The following MASTL variants were observed in gnomAD, a reference collection of about 807,000 sequenced individuals.
MASTL encodes the protein microtubule associated serine/threonine kinase like.
MASTL carries 54 observed loss-of-function variants against 82.5 expected under a neutral mutation model. That is an observed-to-expected ratio of 0.65 (90% confidence interval 0.53 to 0.82). MASTL has a LOEUF of 0.82. MASTL is among the 40% of genes least tolerant of loss of function. The pLI is 0.00. For missense variants in MASTL, 950 were observed against 1,047.8 expected (o/e 0.91, Z 1.29); for synonymous variants, 323 against 368.9 (o/e 0.88, Z 1.43).
rs1438164569 is a variant in MASTL at position 27,186,655 on chromosome 10, G to A, written c.*119G>A. On this transcript the variant is annotated 3_prime_UTR_variant, in exon 12 of 12. Transcript: ENST00000375940. ...ATCATTATTTAACCTAGTTCAATGTGCTTTTAATGTACGTTACAGCTTTCA... is the reference window on the plus strand; with the variant it reads ...ATCATTATTTAACCTAGTTCAATGTACTTTTAATGTACGTTACAGCTTTCA... 3 of 943,300 alleles carry A rather than the reference G, an allele frequency of 3.2e-6. No homozygotes were observed. In the African/African-American group the frequency reaches 4.8e-5, roughly 15 times the overall value. 58.4% of individuals were successfully genotyped at this position (943,300 alleles called of 1,614,324 possible).
chr10:27,183,710 T>TC (rs2058462003), intron 11 of MASTL, among the ~76,000 whole-genome samples: 1 of 152,110 alleles, frequency 6.6e-6, no homozygotes, highest in East Asian at 1.9e-4. Context: ...ATAATTTCTT[T>TC]CTTTTTTTGG....
intron 4 of MASTL, among the ~76,000 whole-genome samples, chr10:27,164,108 T>TTTTAAAAAGTCCTA (rs1264792622): frequency 2.0e-5 from 3 of 152,128 alleles, no homozygotes; most frequent in Admixed American, 2.0e-4. Context: ...ACCCAGCTAA[T>TTTTAAAAAGTCCTA]TTTAAAAAGT....
chr10:27,177,832 A>G (rs1279316011), intron 9 of MASTL: 1 of 959,294 alleles, frequency 1.0e-6, no homozygotes, highest in Non-Finnish European at 1.2e-6. Context: ...GAGCTTCTCT[A>G]TAAAGTAATG....
Position 27,173,172 on chromosome 10 carries a change from A to C in MASTL, c.2179A>C (p.Arg727=), listed in dbSNP as rs774937295. ...TCCATACCGAACTCCGAAGAGTGTG[A>C]GAAGAGGGGTGGCCCCCGTTGATGA... ...GTPYRTPKSV[R]RGVAPVDDGR... The change falls in exon 9 of 12, where the codon AGA becomes CGA. Residue 727 remains arginine, a synonymous_variant. Coordinates refer to ENST00000375940, the MANE Select transcript of MASTL (RefSeq NM_001172303.3). The C allele has an allele frequency of 3.7e-6, 6 of 1,614,064 alleles. No homozygotes were observed. In the East Asian group the frequency reaches 1.3e-4, roughly 36 times the overall value.
At chr10:27,181,421 C>T (rs2058298360) in intron 10 of MASTL, 59 bp from the exon 11 acceptor site, 1 of 1,252,074 alleles carries the variant, frequency 8.0e-7, no homozygotes, top group African/African-American at 1.5e-5. Flanking sequence ...TCATTTATCT[C>T]TGGATACTAT....
chr10:27,155,990 G>C (rs1276136569), intron 1 of MASTL, among the ~76,000 whole-genome samples: 1 of 152,084 alleles, frequency 6.6e-6, no homozygotes, highest in Non-Finnish European at 1.5e-5. Context: ...GTCTCACCCT[G>C]GCTTGAGTTA....
At chr10:27,155,289 T>C, upstream of MASTL, 3 of 813,952 alleles carry the variant, frequency 3.7e-6, no homozygotes, top group South Asian at 3.5e-5. Context: ...GTAGGGGAGG[T>C]GACGAGGGCG....
At chr10:27,167,015 C>A in intron 6 of MASTL, 87 bp from the exon 7 acceptor site, 5 of 1,034,576 alleles carry the variant, frequency 4.8e-6, no homozygotes, top group Non-Finnish European at 7.5e-6. Flanking sequence ...ATTCTTGATA[C>A]TTTGCTTAAT....
At chr10:27,184,004 G>A (rs188583168) in intron 11 of MASTL, among the ~76,000 whole-genome samples, 29 of 152,178 alleles carry the variant, frequency 1.9e-4, no homozygotes, top group East Asian at 1.7e-3. Flanking sequence ...GAGCCACCAC[G>A]CCTGGCCCAG....
intron 9 of MASTL, among the ~76,000 whole-genome samples, chr10:27,180,374 A>G (rs1383606667): frequency 6.9e-5 from 7 of 101,438 alleles, no homozygotes; most frequent in African/African-American, 1.2e-4. Context: ...GCTAACTCGC[A>G]TTTTTCTTTT....
intron 4 of MASTL, among the ~76,000 whole-genome samples, chr10:27,161,671 C>T (rs1183064673): frequency 6.6e-6 from 1 of 151,998 alleles, no homozygotes; most frequent in Non-Finnish European, 1.5e-5. Context: ...AAAGGTATAA[C>T]GGGTTCTTTT....
intron 9 of MASTL, among the ~76,000 whole-genome samples, chr10:27,176,842 C>G (rs1022297590): frequency 8.2e-6 from 1 of 121,388 alleles, no homozygotes; most frequent in African/African-American, 3.1e-5. Context: ...AGTTTTCTTT[C>G]TTTTTTCTTT....
intron 9 of MASTL, among the ~76,000 whole-genome samples, chr10:27,176,152 T>C (rs1314096058): frequency 6.6e-6 from 1 of 152,054 alleles, no homozygotes; most frequent in Non-Finnish European, 1.5e-5. Context: ...TCTTCCTCTG[T>C]TCCCTACCTC....
At chr10:27,173,066 G>A (rs1476535041) in intron 8 of MASTL, 52 bp from the exon 9 acceptor site, 17 of 1,597,408 alleles carry the variant, frequency 1.1e-5, no homozygotes, top group African/African-American at 6.7e-5. Flanking sequence ...TTTTCTATTC[G>A]GTGTAAAAGG....
chr10:27,185,777 AC>A (rs2058683864), intron 11 of MASTL, among the ~76,000 whole-genome samples: 1 of 117,462 alleles, frequency 8.5e-6, no homozygotes, highest in Non-Finnish European at 1.9e-5. Context: ...CTGGAGAGAG[AC>A]TCCATTTCAA....
chr10:27,182,033 C>G (rs1037929899), intron 11 of MASTL, among the ~76,000 whole-genome samples: 1 of 150,096 alleles, frequency 6.7e-6, no homozygotes, highest in African/African-American at 2.5e-5. Context: ...CAAGATTGTG[C>G]CACTGCAATC....
At chr10:27,161,786 T>A (rs186276038) in intron 4 of MASTL, among the ~76,000 whole-genome samples, 266 of 152,330 alleles carry the variant, frequency 1.7e-3, no homozygotes, top group African/African-American at 6.0e-3. Flanking sequence ...TTTTTCTGAC[T>A]TTTATCCCAA....
intron 7 of MASTL, among the ~76,000 whole-genome samples, chr10:27,167,941 A>T (rs2057792237): frequency 6.6e-6 from 1 of 152,190 alleles, no homozygotes; most frequent in Non-Finnish European, 1.5e-5. Context: ...TAACTTACAT[A>T]TTGTTTTTGC....
chr10:27,169,239 T>C (rs1453633604), intron 7 of MASTL, among the ~76,000 whole-genome samples: 1 of 152,108 alleles, frequency 6.6e-6, no homozygotes, highest in Non-Finnish European at 1.5e-5. Context: ...TTGACTAAAT[T>C]TCAAGCCCTG....
Sources: allele counts gnomAD v4.1 joint callset (sites outside exome capture counted in the v4.1 genomes callset), GRCh38; gene constraint gnomAD v4.1.1; transcripts MANE v1.5; gene names NCBI Gene and HGNC (gene_info 2026-07-23, HGNC 2026-07-21).